Variants in MCTP1 observed in about 807,000 individuals in gnomAD.
MCTP1 encodes multiple C2 and transmembrane domain containing 1.
A neutral mutation model predicts 120.6 loss-of-function variants in MCTP1; 69 were observed. The ratio of observed to expected loss-of-function variants is 0.57; its 90% CI spans 0.47 to 0.70. MCTP1 has a LOEUF of 0.70. Among genes scored for constraint, MCTP1 ranks in the 30% least tolerant of loss-of-function variants. The pLI is 0.00. For missense variants in MCTP1, 1,203 were observed against 1,248.8 expected (o/e 0.96, Z 0.55); for synonymous variants, 529 against 493.1 (o/e 1.07, Z -0.96).
intron 18 of MCTP1, among the ~76,000 whole-genome samples, chr5:94,788,462 G>A (rs1778209262): frequency 6.6e-6 from 1 of 152,124 alleles, no homozygotes; most frequent in African/African-American, 2.4e-5. Flanking sequence ...CATATCATTT[G>A]TTTTCCACTT....
intron 1 of MCTP1, among the ~76,000 whole-genome samples, chr5:95,225,309 G>A (rs1355167391): frequency 1.3e-5 from 2 of 152,092 alleles, no homozygotes; most frequent in Non-Finnish European, 2.9e-5. Context: ...ACCTGACACA[G>A]GTGTCAGCAG....
intron 1 of MCTP1, among the ~76,000 whole-genome samples, chr5:95,212,850 C>G (rs1324705859): frequency 6.6e-6 from 1 of 152,000 alleles, no homozygotes; most frequent in Admixed American, 6.6e-5. Flanking sequence ...ATTAGGTATT[C>G]ACGGGACGTA....
chr5:95,053,794 A>T (rs1163872950), intron 1 of MCTP1, among the ~76,000 whole-genome samples: 2 of 152,214 alleles, frequency 1.3e-5, no homozygotes, highest in African/African-American at 2.4e-5. Flanking sequence ...CTCAGAAGAC[A>T]GTCAAGAATT....
chr5:94,825,484 T>C (rs1005928794), intron 17 of MCTP1, among the ~76,000 whole-genome samples: 1 of 152,196 alleles, frequency 6.6e-6, no homozygotes, highest in South Asian at 2.1e-4. Flanking sequence ...TTAGAATAAG[T>C]GCTATGTGGT....
At chr5:95,115,478 T>C (rs1176351585) in intron 1 of MCTP1, among the ~76,000 whole-genome samples, 2 of 151,842 alleles carry the variant, frequency 1.3e-5, no homozygotes, top group Non-Finnish European at 2.9e-5. Context: ...AGTTGAAAAA[T>C]GCAATTGGCA....
chr5:94,935,117 G>A (rs1307276753), intron 5 of MCTP1, among the ~76,000 whole-genome samples: 1 of 151,582 alleles, frequency 6.6e-6, no homozygotes, highest in African/African-American at 2.4e-5. Flanking sequence ...ACACAATGCT[G>A]GAAACTTAAA....
intron 1 of MCTP1, among the ~76,000 whole-genome samples, chr5:95,033,025 G>A (rs777170762): frequency 1.3e-5 from 2 of 151,806 alleles, no homozygotes; most frequent in African/African-American, 2.4e-5. Context: ...CTGGAAACAC[G>A]CAACCTTCCA....
chr5:95,035,281 A>G (rs2151818183), intron 1 of MCTP1, among the ~76,000 whole-genome samples: 1 of 152,146 alleles, frequency 6.6e-6, no homozygotes, highest in South Asian at 2.1e-4. Context: ...TATGTTTATC[A>G]CAGCACTGTT....
At chr5:95,157,321 A>G (rs1745236429) in intron 1 of MCTP1, among the ~76,000 whole-genome samples, 1 of 152,208 alleles carries the variant, frequency 6.6e-6, no homozygotes. Flanking sequence ...CTGCTATAGA[A>G]GGTCCTGAAA....
intron 1 of MCTP1, among the ~76,000 whole-genome samples, chr5:95,035,669 T>C (rs577270464): frequency 6.6e-6 from 1 of 152,212 alleles, no homozygotes; most frequent in Non-Finnish European, 1.5e-5. Flanking sequence ...ACACCAGTAT[T>C]ATACAATACA....
At chr5:94,953,963 C>T (rs1452408709) in intron 2 of MCTP1, among the ~76,000 whole-genome samples, 4 of 77,990 alleles carry the variant, frequency 5.1e-5, no homozygotes, top group East Asian at 3.1e-4. Flanking sequence ...CATATATATA[C>T]AAATATATAT....
At position 95,088,604 on chromosome 5, in the gene MCTP1, A is replaced by C. The variant is rs115704981; in HGVS notation, c.721-71120T>G. On this transcript the variant is annotated intron_variant, in intron 1 of 22. Transcript: ENST00000515393. ...TATGTACCCAGCTAACAAGTAGCGG[A>C]GTTGGGATTAGAACCTGCATCCTCA... Among the ~76,000 whole-genome samples the C allele has an allele frequency of 2.5e-3, 383 of 152,314 alleles. 4 individuals are homozygous for C. The highest frequency in any genetic ancestry group is 8.8e-3 in the African/African-American group (367 of 41,552).
At chr5:94,984,479 A>G (rs1018336191) in intron 2 of MCTP1, among the ~76,000 whole-genome samples, 12 of 152,140 alleles carry the variant, frequency 7.9e-5, no homozygotes, top group Non-Finnish European at 2.9e-5. Flanking sequence ...GAGAGATAAA[A>G]CTATTCAATA....
At chr5:94,909,887 GT>G (rs1256315145) in intron 9 of MCTP1, among the ~76,000 whole-genome samples, 2 of 152,014 alleles carry the variant, frequency 1.3e-5, no homozygotes, top group African/African-American at 2.4e-5. Context: ...AAAAACGCAA[GT>G]AGCTTTTGGG....
intron 3 of MCTP1, among the ~76,000 whole-genome samples, chr5:94,946,377 C>T (rs1193693184): frequency 2.0e-5 from 3 of 152,148 alleles, no homozygotes; most frequent in African/African-American, 7.2e-5. Context: ...ATGGAAGTGG[C>T]TTAATGGCTA....
intron 11 of MCTP1, among the ~76,000 whole-genome samples, chr5:94,891,092 GA>G (rs1281182418): frequency 6.6e-6 from 1 of 151,980 alleles, no homozygotes; most frequent in African/African-American, 2.4e-5. Flanking sequence ...CTGAAACTAT[GA>G]CCTTCGTATA....
Position 94,953,836 on chromosome 5 carries a change from T to TATATACAAATATATATGC in MCTP1, c.839-476_839-475insGCATATATATTTGTATAT, listed in dbSNP as rs1561916232. Reference sequence around the variant, plus strand: ...ATATACAAATATATATATACATATATATATATACACAACTATATATATGCA... The same window carrying TATATACAAATATATATGC: ...ATATACAAATATATATATACATATATATATACAAATATATATGCATATATACACAACTATATATATGCA... On this transcript the variant is annotated intron_variant, in intron 2 of 22. Transcript: ENST00000515393. Among the ~76,000 whole-genome samples, 51 of 46,098 alleles carry TATATACAAATATATATGC rather than the reference T, an allele frequency of 1.1e-3. 5 individuals carry two copies. The highest frequency in any genetic ancestry group is 6.3e-3 in the African/African-American group (40 of 6,382). 30.2% of individuals were successfully genotyped at this position (46,098 alleles called of 152,430 possible). A position where few individuals can be genotyped will look rare whatever the true frequency, so the allele number is the denominator to read the frequency against.
intron 1 of MCTP1, among the ~76,000 whole-genome samples, chr5:95,283,207 T>C (rs1011016723): frequency 2.0e-5 from 3 of 152,240 alleles, no homozygotes; most frequent in Non-Finnish European, 4.4e-5. Context: ...TAAAGCAGCA[T>C]ACTTTAAAAA....
chr5:95,009,101 AGAGAGAG>A (rs1472298643), intron 2 of MCTP1, among the ~76,000 whole-genome samples: 4 of 106,522 alleles, frequency 3.8e-5, no homozygotes, highest in East Asian at 2.3e-4. Flanking sequence ...AGAGAGAGAG[AGAGAGAG>A]AAGCATTGGG....
Sources: allele counts gnomAD v4.1 joint callset (sites outside exome capture counted in the v4.1 genomes callset), GRCh38; gene constraint gnomAD v4.1.1; transcripts MANE v1.5; gene names NCBI Gene and HGNC (gene_info 2026-07-23, HGNC 2026-07-21).